STXBP5L: variants seen among roughly 807,000 people sequenced by gnomAD.
STXBP5L encodes the protein syntaxin-binding protein 5-like.
In STXBP5L, 65 loss-of-function variants were observed where a neutral mutation model predicts 144.5. That is an observed-to-expected ratio of 0.45 (90% CI 0.37 to 0.55). The LOEUF (loss-of-function observed/expected upper bound fraction) is 0.55, where lower values mean the gene tolerates loss of function less well. Among genes scored for constraint, STXBP5L ranks in the 20% least tolerant of loss-of-function variants. The probability of loss-of-function intolerance (pLI) is 0.00; values close to 1 mark genes in which losing one functional copy is unlikely to be tolerated. For missense variants in STXBP5L, 1,298 were observed against 1,405.5 expected, an observed-to-expected ratio of 0.92 and a Z score of 1.22; for synonymous variants, 505 against 469.6, an observed-to-expected ratio of 1.08 and a Z score of -0.97.
chr3:121,019,390 G>A (rs1001040557), intron 3 of STXBP5L, among the ~76,000 whole-genome samples: 2 of 152,186 alleles, frequency 1.3e-5, no homozygotes, highest in African/African-American at 4.8e-5. Flanking sequence ...CACAGGGCAA[G>A]CTTGTATCCT....
At chr3:121,339,455 C>G (rs2044627467) in intron 20 of STXBP5L, among the ~76,000 whole-genome samples, 1 of 152,120 alleles carries the variant, frequency 6.6e-6, no homozygotes, top group African/African-American at 2.4e-5. Context: ...CAGCCAACAT[C>G]ATACAGAATA....
intron 22 of STXBP5L, among the ~76,000 whole-genome samples, chr3:121,403,210 G>A (rs774867782): frequency 6.6e-6 from 1 of 152,008 alleles, no homozygotes; most frequent in Non-Finnish European, 1.5e-5. Context: ...TTCTAACTAG[G>A]TGATTCATTT....
At chr3:121,108,737 G>A (rs146381765) in intron 5 of STXBP5L, among the ~76,000 whole-genome samples, 67 of 151,918 alleles carry the variant, frequency 4.4e-4, no homozygotes, top group Admixed American at 9.2e-4. Context: ...TAAAATGATT[G>A]ATGCACTAGT....
At chr3:121,037,354 C>T (rs537741935) in intron 3 of STXBP5L, among the ~76,000 whole-genome samples, 18 of 151,268 alleles carry the variant, frequency 1.2e-4, no homozygotes, top group Middle Eastern at 3.4e-3. Flanking sequence ...CTTAAGCAAT[C>T]TTCTTGCCTC....
At chr3:121,330,668 C>A (rs995855127) in intron 20 of STXBP5L, among the ~76,000 whole-genome samples, 1 of 152,142 alleles carries the variant, frequency 6.6e-6, no homozygotes, top group African/African-American at 2.4e-5. Flanking sequence ...GCAAATGCTA[C>A]CCCCTGGCTG....
At chr3:121,059,022 G>A (rs918185383) in intron 5 of STXBP5L, among the ~76,000 whole-genome samples, 6 of 152,080 alleles carry the variant, frequency 3.9e-5, no homozygotes, top group African/African-American at 1.2e-4. Flanking sequence ...ATTGCTTTTG[G>A]TGTTTTAGTC....
intron 7 of STXBP5L, among the ~76,000 whole-genome samples, chr3:121,131,052 G>A (rs978480220): frequency 3.9e-5 from 6 of 152,066 alleles, no homozygotes; most frequent in Admixed American, 3.3e-4. Flanking sequence ...CAGAACTTCA[G>A]TTAGTTCTGA....
intron 3 of STXBP5L, among the ~76,000 whole-genome samples, chr3:120,975,097 G>C (rs1441157218): frequency 6.6e-6 from 1 of 152,208 alleles, no homozygotes; most frequent in African/African-American, 2.4e-5. Flanking sequence ...TTGGTAGTTT[G>C]ATGGGGATGG....
At chr3:121,091,376 C>G (rs1481481668) in intron 5 of STXBP5L, among the ~76,000 whole-genome samples, 1 of 150,388 alleles carries the variant, frequency 6.6e-6, no homozygotes, top group Admixed American at 6.8e-5. Flanking sequence ...AATGGTTGAA[C>G]TAGTTTACAG....
chr3:120,942,859 A>G (rs1576456610), intron 2 of STXBP5L, among the ~76,000 whole-genome samples: 1 of 151,482 alleles, frequency 6.6e-6, no homozygotes, highest in East Asian at 1.9e-4. Flanking sequence ...TTTGTTGTTT[A>G]GCATATGTTT....
intron 7 of STXBP5L, among the ~76,000 whole-genome samples, chr3:121,143,830 T>C (rs1228688041): frequency 6.6e-6 from 1 of 151,844 alleles, no homozygotes; most frequent in Non-Finnish European, 1.5e-5. Context: ...GACTTAAACA[T>C]AAGACCTTAA....
chr3:121,238,468 C>T (rs1223414183), intron 12 of STXBP5L, among the ~76,000 whole-genome samples: 3 of 152,082 alleles, frequency 2.0e-5, no homozygotes, highest in African/African-American at 7.2e-5. Context: ...TCATTAGGCT[C>T]CACCTCCAAC....
intron 24 of STXBP5L, among the ~76,000 whole-genome samples, chr3:121,415,054 C>T (rs1243050406): frequency 1.3e-5 from 2 of 152,020 alleles, no homozygotes. Flanking sequence ...GCACAGGTCT[C>T]AGTAGAGGTA....
chr3:121,113,768 G>T (rs2044110830), intron 5 of STXBP5L, among the ~76,000 whole-genome samples: 1 of 150,574 alleles, frequency 6.6e-6, no homozygotes, highest in East Asian at 2.0e-4. Flanking sequence ...TATCTCCTGG[G>T]TTCAAGTGAT....
At chr3:121,289,240 A>G (rs1380811455) in intron 19 of STXBP5L, among the ~76,000 whole-genome samples, 1 of 152,110 alleles carries the variant, frequency 6.6e-6, no homozygotes, top group Non-Finnish European at 1.5e-5. Flanking sequence ...TAAAGCAACA[A>G]TATTTAAGAA....
intron 22 of STXBP5L, among the ~76,000 whole-genome samples, chr3:121,395,917 C>T (rs758651158): frequency 9.2e-5 from 14 of 152,196 alleles, no homozygotes; most frequent in Non-Finnish European, 1.3e-4. Context: ...GAGGGGTCCT[C>T]GGGATCCTCC....
rs114050365 is a variant in STXBP5L at position 121,243,344 on chromosome 3, G to A, written c.1400+2837G>A. ...AGAAACTGGAAAACTTCACTAGTTA[G>A]GAATTACATGCACAAGCCCAGAGAA... is the stretch of plus-strand genomic sequence containing the variant. On this transcript the variant is annotated intron_variant, in intron 14 of 26. Coordinates refer to ENST00000471454, the MANE Select transcript of STXBP5L (RefSeq NM_001308330.2). 3.3e-3 allele frequency among the ~76,000 whole-genome samples: 509 copies of A among 152,210 alleles called. 3 individuals carry two copies. Among genetic ancestry groups the A allele is most frequent in the African/African-American group, 0.012 (490 of 41,524 alleles).
chr3:121,039,553 T>TCAA, intron 3 of STXBP5L, among the ~76,000 whole-genome samples: 1 of 152,106 alleles, frequency 6.6e-6, no homozygotes, highest in East Asian at 1.9e-4. Context: ...CCTTTTTGTA[T>TCAA]ATCCAGATAC....
chr3:120,923,791 T>A (rs1211701071), intron 2 of STXBP5L, among the ~76,000 whole-genome samples: 1 of 152,152 alleles, frequency 6.6e-6, no homozygotes, highest in Non-Finnish European at 1.5e-5. Flanking sequence ...CATGTGCTGA[T>A]GAAAAAAATG....
Sources: gnomAD v4.1 joint callset for allele counts (sites outside exome capture counted in the v4.1 genomes callset) on GRCh38, gnomAD v4.1.1 for gene constraint, MANE v1.5 for transcripts, NCBI Gene and HGNC (gene_info 2026-07-23, HGNC 2026-07-21) for gene names.